Variants in PAPPA2 observed in about 807,000 individuals in gnomAD.
The protein encoded by PAPPA2 is pappalysin 2.
In PAPPA2, 86 loss-of-function variants were observed where a neutral mutation model predicts 176.4. The observed-to-expected ratio is 0.49, with a 90% CI of 0.41 to 0.58. PAPPA2 has a LOEUF of 0.58. Ranked by LOEUF, PAPPA2 falls within the 20% of genes least tolerant of loss-of-function variation. The probability of loss-of-function intolerance (pLI) is 0.00; values close to 1 mark genes in which losing one functional copy is unlikely to be tolerated. For missense variants in PAPPA2, 2,073 were observed against 2,256.9 expected (o/e 0.92, Z 1.65); for synonymous variants, 809 against 852.2 (o/e 0.95, Z 0.88).
intron 3 of PAPPA2, among the ~76,000 whole-genome samples, chr1:176,670,240 G>A (rs1309738512): frequency 1.3e-5 from 2 of 152,168 alleles, no homozygotes; most frequent in Non-Finnish European, 2.9e-5. Flanking sequence ...TAAGCCACAA[G>A]TCATGTGTTT....
intron 14 of PAPPA2, among the ~76,000 whole-genome samples, chr1:176,749,953 T>C (rs1663092076): frequency 6.6e-6 from 1 of 152,218 alleles, no homozygotes; most frequent in Non-Finnish European, 1.5e-5. Context: ...TGCAGGCTTT[T>C]CTATAGACAT....
Position 176,789,958 on chromosome 1 carries a change from G to A in PAPPA2, c.4865G>A (p.Cys1622Tyr), listed in dbSNP as rs1665104755. The change falls in exon 18 of 23, where the codon TGT (cysteine) becomes TAT (tyrosine). Residue 1622 changes from cysteine to tyrosine, a missense_variant. Physicochemically the swap from Cys to Tyr is radical, Grantham distance 194. Coordinates refer to ENST00000367662, the MANE Select transcript of PAPPA2 (RefSeq NM_020318.3). ...CTGGACAGCCAGTGTGTGCTCAACT[G>A]TAACCAGGAACGTGAAAAGGTAAGG... ...FSLDSQCVLNCNQEREKLPIL... is the reference protein window; with the variant it reads ...FSLDSQCVLNYNQEREKLPIL... 1 of 1,614,094 alleles carries A rather than the reference G, an allele frequency of 6.2e-7. No homozygotes were observed. The highest frequency in any genetic ancestry group is 8.5e-7 in the Non-Finnish European group (1 of 1,179,968).
chr1:176,601,496 A>G (rs376661327), intron 3 of PAPPA2, among the ~76,000 whole-genome samples: 141 of 152,304 alleles, frequency 9.3e-4, no homozygotes, highest in African/African-American at 3.2e-3. Flanking sequence ...TATCAAAGGG[A>G]GAGTACTTAT....
intron 21 of PAPPA2, among the ~76,000 whole-genome samples, chr1:176,813,741 G>T (rs1666267377): frequency 6.6e-6 from 1 of 152,132 alleles, no homozygotes; most frequent in Non-Finnish European, 1.5e-5. Flanking sequence ...TAGGTTGTCT[G>T]TTGACTCTGA....
At position 176,690,470 on chromosome 1, in the gene PAPPA2, A is replaced by C. The variant is rs375185243; in HGVS notation, c.2431+40A>C. On this transcript the variant is annotated intron_variant, in intron 5 of 22. Transcript: ENST00000367662. ...TTGTTTTGTTTTCTGTTAAGAATAC[A>C]TGGGGGCCTTTGAGAGCTGGGAGGG... 8.8e-6 allele frequency: 14 copies of C among 1,592,902 alleles called. No homozygotes were observed. In the East Asian group the frequency reaches 2.7e-4, roughly 31 times the overall value.
chr1:176,613,035 C>T (rs577095866), intron 3 of PAPPA2, among the ~76,000 whole-genome samples: 1 of 152,196 alleles, frequency 6.6e-6, no homozygotes, highest in African/African-American at 2.4e-5. Context: ...AAAAGTTTTT[C>T]CTGGTAGCCT....
chr1:176,685,768 A>T (rs1340110802), intron 4 of PAPPA2, among the ~76,000 whole-genome samples: 1 of 152,190 alleles, frequency 6.6e-6, no homozygotes, highest in Non-Finnish European at 1.5e-5. Flanking sequence ...ATTTATTATC[A>T]CATCTTGTTC....
intron 1 of PAPPA2, among the ~76,000 whole-genome samples, chr1:176,500,251 A>C (rs571057990): frequency 2.8e-4 from 43 of 152,158 alleles, no homozygotes; most frequent in African/African-American, 1.0e-3. Flanking sequence ...TTACAGTTCC[A>C]TGTATTTTAT....
At chr1:176,765,386 C>G (rs1663915103) in intron 14 of PAPPA2, among the ~76,000 whole-genome samples, 1 of 152,216 alleles carries the variant, frequency 6.6e-6, no homozygotes, top group South Asian at 2.1e-4. Context: ...ACACAGAACT[C>G]TCAGAATCTG....
chr1:176,609,060 G>T (rs1654767197), intron 3 of PAPPA2, among the ~76,000 whole-genome samples: 1 of 152,146 alleles, frequency 6.6e-6, no homozygotes, highest in African/African-American at 2.4e-5. Context: ...GAGCCTAGAG[G>T]CAGGAAGATG....
chr1:176,702,189 G>A (rs1295088866), intron 8 of PAPPA2, among the ~76,000 whole-genome samples: 1 of 152,226 alleles, frequency 6.6e-6, no homozygotes, highest in African/African-American at 2.4e-5. Flanking sequence ...GCAGACCCAA[G>A]AAGGGGGACT....
chr1:176,577,139 T>C (rs1326761797), intron 2 of PAPPA2, among the ~76,000 whole-genome samples: 1 of 152,174 alleles, frequency 6.6e-6, no homozygotes, highest in Non-Finnish European at 1.5e-5. Context: ...TATTTATTGA[T>C]ACTGTGCCAG....
chr1:176,486,574 G>A (rs1652653469), intron 1 of PAPPA2, among the ~76,000 whole-genome samples: 1 of 152,168 alleles, frequency 6.6e-6, no homozygotes, highest in Non-Finnish European at 1.5e-5. Context: ...AAAGAAAGTG[G>A]CATTTGAGTG....
intron 4 of PAPPA2, among the ~76,000 whole-genome samples, chr1:176,689,868 G>A (rs902942373): frequency 6.6e-6 from 1 of 152,166 alleles, no homozygotes; most frequent in Non-Finnish European, 1.5e-5. Flanking sequence ...ATACAGGGCT[G>A]AGAATTCTGG....
chr1:176,839,367 C>G (rs1015618871), intron 21 of PAPPA2, among the ~76,000 whole-genome samples: 2 of 152,224 alleles, frequency 1.3e-5, no homozygotes, highest in African/African-American at 4.8e-5. Context: ...GGGTGAAACA[C>G]TCCATTAACT....
intron 21 of PAPPA2, among the ~76,000 whole-genome samples, chr1:176,837,579 CTTCA>C (rs1234687179): frequency 6.6e-6 from 1 of 150,704 alleles, no homozygotes; most frequent in African/African-American, 2.4e-5. Flanking sequence ...CCAGGATAAG[CTTCA>C]GATATTTGAA....
In PAPPA2 at chr1:176,575,966, G is replaced by A. The variant is rs149615752; in HGVS notation, c.920-18558G>A. On this transcript the variant is annotated intron_variant, in intron 2 of 22. Coordinates refer to ENST00000367662, the MANE Select transcript of PAPPA2 (RefSeq NM_020318.3). The stretch of plus-strand genomic sequence containing the variant: ...CTGTGTTCCTAAATATTCTTCTCAG[G>A]TGTGATTTTTTAATGGTAGGGTAGT... 9.2e-5 allele frequency among the ~76,000 whole-genome samples: 14 copies of A among 152,230 alleles called. 1 individual carries two copies. In the East Asian group the frequency reaches 2.5e-3, roughly 27 times the overall value.
At chr1:176,644,466 C>T (rs898885393) in intron 3 of PAPPA2, among the ~76,000 whole-genome samples, 3 of 151,730 alleles carry the variant, frequency 2.0e-5, no homozygotes, top group Admixed American at 6.6e-5. Flanking sequence ...AAAGGAGTTA[C>T]GTATGGATAA....
chr1:176,525,498 C>T (rs966893647), intron 1 of PAPPA2, among the ~76,000 whole-genome samples: 1 of 152,010 alleles, frequency 6.6e-6, no homozygotes, highest in African/African-American at 2.4e-5. Context: ...GATAGTGGCT[C>T]CTAATGAGGT....
Sources: gnomAD v4.1 joint callset for allele counts (sites outside exome capture counted in the v4.1 genomes callset) on GRCh38, gnomAD v4.1.1 for gene constraint, MANE v1.5 for transcripts, NCBI Gene and HGNC (gene_info 2026-07-23, HGNC 2026-07-21) for gene names.